AMBRA1: variants seen among roughly 807,000 people sequenced by gnomAD.
AMBRA1 encodes the protein autophagy and beclin 1 regulator 1.
AMBRA1 carries 47 observed loss-of-function variants against 125.4 expected under a neutral mutation model. That is an observed-to-expected ratio of 0.37 (90% CI 0.30 to 0.48). The LOEUF (loss-of-function observed/expected upper bound fraction) is 0.48, where lower values mean the gene tolerates loss of function less well. AMBRA1 is among the 20% of genes least tolerant of loss of function. The pLI, the probability that AMBRA1 is intolerant of heterozygous loss-of-function variation, is 0.99. For missense variants in AMBRA1, 1,331 were observed against 1,693.4 expected (o/e 0.79, Z 3.76); for synonymous variants, 626 against 655.5 (o/e 0.95, Z 0.69).
intron 7 of AMBRA1, among the ~76,000 whole-genome samples, chr11:46,529,778 G>A (rs1565257558): frequency 6.6e-6 from 1 of 152,156 alleles, no homozygotes; most frequent in African/African-American, 2.4e-5. Context: ...GAAACACTGT[G>A]AGGCAAACAA....
chr11:46,423,643 G>A (rs912106884), intron 14 of AMBRA1, among the ~76,000 whole-genome samples: 2 of 151,874 alleles, frequency 1.3e-5, no homozygotes, highest in Admixed American at 1.3e-4. Flanking sequence ...TGCCTGCCTC[G>A]GCCTCCCAAA....
At chr11:46,532,567 G>A (rs1158474552) in intron 7 of AMBRA1, among the ~76,000 whole-genome samples, 3 of 152,116 alleles carry the variant, frequency 2.0e-5, no homozygotes, top group African/African-American at 7.2e-5. Context: ...CTCCCAAATA[G>A]CTGGGACTAC....
intron 4 of AMBRA1, chr11:46,546,033 CTTTTTTTTTT>C (rs35703280): frequency 1.4e-5 from 2 of 138,710 alleles, no homozygotes; most frequent in Non-Finnish European, 2.9e-5. Context: ...GTTCCTATTT[CTTTTTTTTTT>C]TTTTTTTTTT....
chr11:46,549,637 C>T (rs914193666), intron 1 of AMBRA1, among the ~76,000 whole-genome samples: 6 of 152,004 alleles, frequency 3.9e-5, no homozygotes, highest in African/African-American at 9.7e-5. Flanking sequence ...AATTATCATT[C>T]GAATTTTCCC....
intron 17 of AMBRA1, among the ~76,000 whole-genome samples, chr11:46,407,403 G>A (rs1946076521): frequency 6.6e-6 from 1 of 152,102 alleles, no homozygotes; most frequent in South Asian, 2.1e-4. Context: ...TCCTGGAAAA[G>A]GCCTAATGGA....
intron 9 of AMBRA1, among the ~76,000 whole-genome samples, chr11:46,500,585 A>G (rs548046159): frequency 6.6e-6 from 1 of 152,334 alleles, no homozygotes; most frequent in Non-Finnish European, 1.5e-5. Flanking sequence ...CAGGCATTCC[A>G]GGCCATCCAG....
At chr11:46,531,436 G>A (rs553712046) in intron 7 of AMBRA1, among the ~76,000 whole-genome samples, 2 of 152,252 alleles carry the variant, frequency 1.3e-5, no homozygotes, top group African/African-American at 4.8e-5. Flanking sequence ...GAGGCTGGGC[G>A]CGGTGGCTCA....
chr11:46,414,668 C>T (rs1372974395), intron 15 of AMBRA1, among the ~76,000 whole-genome samples: 2 of 151,902 alleles, frequency 1.3e-5, no homozygotes, highest in South Asian at 2.1e-4. Context: ...GGCTGGCAGG[C>T]AGCCAGAGGC....
rs1392635697 is a variant in AMBRA1, at chr11:46,416,386, C to T, written c.3116+1527G>A. Among the ~76,000 whole-genome samples the T allele has an allele frequency of 3.3e-5, 5 of 152,152 alleles. No individual in the cohort carries two copies. The East Asian group carries it at 9.6e-4, about 29-fold the overall frequency. ...AGATGGTGAAAGATGGTCTCTGGAG[C>T]AAGTGGCTTGCAACACAAAACATTC... On this transcript the variant is annotated intron_variant, in intron 15 of 17. Transcript: ENST00000683756.
intron 12 of AMBRA1, among the ~76,000 whole-genome samples, chr11:46,439,180 A>G (rs1947877747): frequency 6.6e-6 from 1 of 152,208 alleles, no homozygotes. Flanking sequence ...AGGCCGAGGC[A>G]GGAGGATCAT....
intron 2 of AMBRA1, 42 bp downstream of exon 2, chr11:46,548,204 C>T: frequency 1.2e-6 from 2 of 1,612,906 alleles, no homozygotes; most frequent in Non-Finnish European, 1.7e-6. Flanking sequence ...ATTCTACCAT[C>T]ACCAGCACAA....
chr11:46,434,706 G>T, intron 13 of AMBRA1, 143 bp downstream of exon 13: 1 of 894,158 alleles, frequency 1.1e-6, no homozygotes, highest in South Asian at 2.1e-5. Flanking sequence ...CTCCTGCAAA[G>T]CAATCTTTCT....
At position 46,516,423 on chromosome 11, in the gene AMBRA1, C is replaced by CTTTTTT. The variant is rs1162985350; in HGVS notation, c.2073-3616_2073-3611dup. On this transcript the variant is annotated intron_variant, in intron 7 of 17. Coordinates refer to ENST00000683756, the MANE Select transcript of AMBRA1 (RefSeq NM_001387011.1). ...CTAGGAACCTCAAAGAAAGATCTTTCTTTTTTTTTTTTTTTTTTTTTTTTT... is the reference window on the plus strand; with the variant it reads ...CTAGGAACCTCAAAGAAAGATCTTTCTTTTTTTTTTTTTTTTTTTTTTTTTTTTTTT... Among the ~76,000 whole-genome samples, 449 of 73,192 alleles carry CTTTTTT rather than the reference C, an allele frequency of 6.1e-3. 9 individuals carry two copies. Among genetic ancestry groups the CTTTTTT allele is most frequent in the Middle Eastern group, 0.014 (1 of 74 alleles). 48.0% of individuals were successfully genotyped at this position (73,192 alleles called of 152,430 possible).
chr11:46,515,824 C>T (rs1349983490), intron 7 of AMBRA1, among the ~76,000 whole-genome samples: 8 of 152,188 alleles, frequency 5.3e-5, no homozygotes, highest in South Asian at 2.1e-4. Flanking sequence ...TAAAGGCATG[C>T]GCCACCACAC....
chr11:46,554,160 T>C (rs2043099335), intron 1 of AMBRA1, among the ~76,000 whole-genome samples: 1 of 152,202 alleles, frequency 6.6e-6, no homozygotes, highest in Non-Finnish European at 1.5e-5. Context: ...AAGAAACATC[T>C]TGAGAGTCCT....
At chr11:46,593,708 C>T (rs2044689445) in intron 1 of AMBRA1, 120 bp downstream of exon 1, 1 of 373,962 alleles carries the variant, frequency 2.7e-6, no homozygotes, top group Non-Finnish European at 4.7e-6. Context: ...AGTCCGGTAG[C>T]CCCTCCTCTG....
intron 1 of AMBRA1, among the ~76,000 whole-genome samples, chr11:46,548,846 C>T (rs2042904091): frequency 6.6e-6 from 1 of 152,128 alleles, no homozygotes; most frequent in African/African-American, 2.4e-5. Flanking sequence ...CAAAAATTAG[C>T]CGGGTGTGGT....
Position 46,472,272 on chromosome 11 carries a change from C to T in AMBRA1, c.2521+21336G>A, listed in dbSNP as rs530691819. On this transcript the variant is annotated intron_variant, in intron 11 of 17. Transcript: ENST00000683756. Reference sequence around the variant, plus strand: ...CTCCTTTTATTAAACTGAGATGGATCCTTTTCAGCCACCTGAGCCTGTCTC... The same window carrying T: ...CTCCTTTTATTAAACTGAGATGGATTCTTTTCAGCCACCTGAGCCTGTCTC... Among the ~76,000 whole-genome samples, 10 of 152,328 alleles carry T rather than the reference C, an allele frequency of 6.6e-5. No individual in the cohort carries two copies. The South Asian group carries it at 1.5e-3, about 22-fold the overall frequency.
At chr11:46,445,084 AC>A (rs1565166350) in intron 11 of AMBRA1, among the ~76,000 whole-genome samples, 12 of 151,518 alleles carry the variant, frequency 7.9e-5, no homozygotes, top group Non-Finnish European at 1.8e-4. Context: ...AAAAAAAAAA[AC>A]AAAAAAAAAC....
Sources: gnomAD v4.1 joint callset for allele counts (sites outside exome capture counted in the v4.1 genomes callset) on GRCh38, gnomAD v4.1.1 for gene constraint, MANE v1.5 for transcripts, NCBI Gene and HGNC (gene_info 2026-07-23, HGNC 2026-07-21) for gene names.